SPATA21: variants seen among roughly 807,000 people sequenced by gnomAD.
The protein encoded by SPATA21 is spermatogenesis associated 21.
A neutral mutation model predicts 54.8 loss-of-function variants in SPATA21; 47 were observed. The ratio of observed to expected loss-of-function variants is 0.86; its 90% confidence interval spans 0.68 to 1.09. The LOEUF is 1.09. Ranked by LOEUF, SPATA21 falls within the 50% of genes least tolerant of loss-of-function variation. The probability of loss-of-function intolerance (pLI) is 0.00; values close to 1 mark genes in which losing one functional copy is unlikely to be tolerated. For synonymous variants in SPATA21, 245 were observed against 235.3 expected, an observed-to-expected ratio of 1.04 and a Z score of -0.38; for missense variants, 599 against 596.4, an observed-to-expected ratio of 1.00 and a Z score of -0.05.
At chr1:16,425,394 G>T in intron 3 of SPATA21, 3 of 1,035,762 alleles carry the variant, frequency 2.9e-6, no homozygotes, top group Non-Finnish European at 4.2e-6. Flanking sequence ...GATCACCCCT[G>T]CCTCAGCCTC....
chr1:16,405,215 A>T, intron 7 of SPATA21, 111 bp from the exon 8 acceptor site: 2 of 1,454,362 alleles, frequency 1.4e-6, no homozygotes, highest in Admixed American at 5.4e-5. Flanking sequence ...AAGTGAAAAT[A>T]AAATTGCTGG....
intron 5 of SPATA21, among the ~76,000 whole-genome samples, chr1:16,411,655 T>C (rs1473355341): frequency 2.0e-5 from 3 of 151,790 alleles, no homozygotes; most frequent in African/African-American, 7.3e-5. Flanking sequence ...CCGGGTGTGG[T>C]GGCAGGTGCC....
intron 5 of SPATA21, among the ~76,000 whole-genome samples, chr1:16,420,503 A>G (rs1468924597): frequency 6.6e-6 from 1 of 151,348 alleles, no homozygotes; most frequent in Non-Finnish European, 1.5e-5. Context: ...GGCAACAGAG[A>G]CTCTGTCTCA....
intron 5 of SPATA21, 26 bp from the exon 6 acceptor site, chr1:16,410,069 A>G (rs1269856234): frequency 1.3e-6 from 2 of 1,518,990 alleles, no homozygotes; most frequent in South Asian, 1.3e-5. Flanking sequence ...GGGATCCAGG[A>G]GGCCTCTAGT....
intron 3 of SPATA21, among the ~76,000 whole-genome samples, chr1:16,424,233 A>T (rs2086256073): frequency 1.8e-3 from 3 of 1,702 alleles, no homozygotes; most frequent in Admixed American, 6.1e-3. Context: ...GAATGGCATG[A>T]ACCTGGGAGG....
At chr1:16,400,685 A>C (rs1410650670) in intron 11 of SPATA21, 35 bp downstream of exon 11, 3 of 1,587,934 alleles carry the variant, frequency 1.9e-6, no homozygotes, top group Non-Finnish European at 2.6e-6. Context: ...CAAAGCCCCA[A>C]CCCTAGCCCA....
chr1:16,404,555 G>A (rs781598541), intron 8 of SPATA21, among the ~76,000 whole-genome samples: 5 of 151,918 alleles, frequency 3.3e-5, no homozygotes, highest in African/African-American at 4.8e-5. Flanking sequence ...GGTGGCTCAC[G>A]CCTGTGATCC....
At chr1:16,414,893 C>CAAAAAAAAAAAAAAAA (rs528947922) in intron 5 of SPATA21, among the ~76,000 whole-genome samples, 1 of 74,340 alleles carries the variant, frequency 1.3e-5, no homozygotes, top group African/African-American at 5.6e-5. Flanking sequence ...AACCTCATCT[C>CAAAAAAAAAAAAAAAA]AAAAAAAAAA....
intron 3 of SPATA21, chr1:16,427,842 T>C: frequency 6.5e-7 from 1 of 1,538,850 alleles, no homozygotes; most frequent in Non-Finnish European, 8.8e-7. Flanking sequence ...GGACCTGTTC[T>C]CTCGAGAGCC....
At chr1:16,425,592 T>G in intron 3 of SPATA21, 1 of 1,550,118 alleles carries the variant, frequency 6.5e-7, no homozygotes, top group East Asian at 2.5e-5. Context: ...TGGCCCTTGA[T>G]CTCCTTTCCG....
At chr1:16,408,269 C>T (rs1450454453) in intron 7 of SPATA21, among the ~76,000 whole-genome samples, 2 of 152,150 alleles carry the variant, frequency 1.3e-5, no homozygotes, top group Non-Finnish European at 2.9e-5. Flanking sequence ...CACAGGGCCC[C>T]TTCCTGAGGA....
At chr1:16,436,869 TAAA>T (rs2086600324) in intron 1 of SPATA21, among the ~76,000 whole-genome samples, 1 of 149,532 alleles carries the variant, frequency 6.7e-6, no homozygotes. Flanking sequence ...GAAAAACAAA[TAAA>T]TAAATAAATA....
At chr1:16,404,846 CAGT>C (rs2085576972) in intron 8 of SPATA21, 118 bp downstream of exon 8, 1 of 1,123,714 alleles carries the variant, frequency 8.9e-7, no homozygotes, top group Non-Finnish European at 1.2e-6. Context: ...TAGACTGTGA[CAGT>C]AGAGCATTAA....
At chr1:16,399,308 A>G (rs2100769728) in intron 12 of SPATA21, 36 bp downstream of exon 12, 3 of 1,558,104 alleles carry the variant, frequency 1.9e-6, no homozygotes, top group Non-Finnish European at 2.6e-6. Context: ...AGAATCTGGA[A>G]GGGCCTGGGC....
chr1:16,407,620 G>A (rs947966465), intron 7 of SPATA21, among the ~76,000 whole-genome samples: 3 of 151,688 alleles, frequency 2.0e-5, no homozygotes, highest in Admixed American at 1.3e-4. Flanking sequence ...CCACCACACC[G>A]GGCTAATTTT....
At chr1:16,405,149 T>TAC (rs1557646778) in intron 7 of SPATA21, 45 bp from the exon 8 acceptor site, 1 of 1,573,280 alleles carries the variant, frequency 6.4e-7, no homozygotes, top group Non-Finnish European at 8.6e-7. Flanking sequence ...ATTTCTTGTT[T>TAC]CTGTCATTCA....
Position 16,409,627 on chromosome 1 carries a change from C to G in SPATA21, c.561G>C (p.Glu187Asp). 1.9e-6 allele frequency: 3 copies of G among 1,612,672 alleles called. No individual in the cohort carries two copies. Among genetic ancestry groups the G allele is most frequent in the Non-Finnish European group, 1.7e-6 (2 of 1,179,956 alleles). Reference protein sequence around the residue: ...RRMELLHQSSERTLSYAKARQ... With the variant: ...RRMELLHQSSDRTLSYAKARQ... ...GCGCCTTGGCGTAGCTCAGGGTTCTCTCGCTGCTCTGGTGCAAGAGTTCCA... is the reference window on the plus strand; with the variant it reads ...GCGCCTTGGCGTAGCTCAGGGTTCTGTCGCTGCTCTGGTGCAAGAGTTCCA... The change falls in exon 6 of 13, where the codon GAG (glutamate) becomes GAC (aspartate). Residue 187 changes from glutamate to aspartate, a missense_variant. Transcript: ENST00000335496. This position sits in a 1 kb window ranked among gnomAD's most constrained non-coding sequence, Gnocchi z 4.1.
At chr1:16,405,652 C>T (rs182439855) in intron 7 of SPATA21, among the ~76,000 whole-genome samples, 27 of 152,164 alleles carry the variant, frequency 1.8e-4, no homozygotes, top group Non-Finnish European at 3.2e-4. Context: ...CAGAGTAAGA[C>T]CCTCTATTGA....
At chr1:16,408,073 G>A (rs2085704866) in intron 7 of SPATA21, among the ~76,000 whole-genome samples, 1 of 152,184 alleles carries the variant, frequency 6.6e-6, no homozygotes, top group Non-Finnish European at 1.5e-5. Context: ...AGCCCTGGTA[G>A]AGGGTTTTAA....
Sources: gnomAD v4.1 joint callset for allele counts (sites outside exome capture counted in the v4.1 genomes callset) on GRCh38, gnomAD v4.1.1 for gene constraint, Gnocchi (gnomAD v3.1) non-coding constraint, MANE v1.5 for transcripts, NCBI Gene and HGNC (gene_info 2026-07-23, HGNC 2026-07-21) for gene names.